The following UBXN10 variants were observed in gnomAD, a reference collection of about 807,000 sequenced individuals.
The protein encoded by UBXN10 is UBX domain-containing protein 10.
UBXN10 carries 6 observed loss-of-function variants against 6.9 expected under a neutral mutation model. The observed-to-expected ratio is 0.87, with a 90% CI of 0.48 to 1.72. UBXN10 has a LOEUF of 1.72. Among genes scored for constraint, UBXN10 ranks in the 40% most tolerant of loss-of-function variants. The pLI, the probability that UBXN10 is intolerant of heterozygous loss-of-function variation, is 0.01. For missense variants in UBXN10, 317 were observed against 348.4 expected (o/e 0.91, Z 0.72); for synonymous variants, 131 against 135.2 (o/e 0.97, Z 0.21).
Position 20,192,455 on chromosome 1 carries a change from C to T in UBXN10, c.*1051C>T, listed in dbSNP as rs2018524051. On this transcript the variant is annotated 3_prime_UTR_variant, in exon 2 of 2. Coordinates refer to ENST00000375099, the MANE Select transcript of UBXN10 (RefSeq NM_152376.5). ...TGTGCTGAGAGACCATGTGCCCGAGCATCTGGTTGACCGGCATGAAGTACA... is the reference window on the plus strand; with the variant it reads ...TGTGCTGAGAGACCATGTGCCCGAGTATCTGGTTGACCGGCATGAAGTACA... 1 of 167,096 alleles carries T rather than the reference C, an allele frequency of 6.0e-6. No individual in the cohort carries two copies. The highest frequency in any genetic ancestry group is 2.1e-4 in the South Asian group (1 of 4,834). The allele number at this position is 167,096 out of a possible 1,614,324, so 10.4% of individuals were successfully genotyped here.
rs779898230 is a variant in UBXN10 at position 20,194,012 on chromosome 1, G to C, written c.*2608G>C. 1 of 166,998 alleles carries C rather than the reference G, an allele frequency of 6.0e-6. No individual in the cohort carries two copies. Among genetic ancestry groups the C allele is most frequent in the Non-Finnish European group, 1.5e-5 (1 of 68,118 alleles). 10.3% of individuals were successfully genotyped at this position (166,998 alleles called of 1,614,324 possible). A position where few individuals can be genotyped will look rare whatever the true frequency, so the allele number is the denominator to read the frequency against. On this transcript the variant is annotated 3_prime_UTR_variant, in exon 2 of 2. Transcript: ENST00000375099. ...AGTGCCACACTTTGAGACAAGCATGGGTGTCCTGAAAAGAAAGTGTTGGCA... is the reference window on the plus strand; with the variant it reads ...AGTGCCACACTTTGAGACAAGCATGCGTGTCCTGAAAAGAAAGTGTTGGCA...
rs2018498424 is a variant in UBXN10 at position 20,191,363 on chromosome 1, G to C, written c.802G>C (p.Val268Leu). The C allele has an allele frequency of 6.2e-7, 1 of 1,612,762 alleles. No homozygotes were observed. Among genetic ancestry groups the C allele is most frequent in the South Asian group, 1.1e-5 (1 of 91,080 alleles). ...AGAGTGCAGAATCCCCCACAAGTCT[G>C]TGCTGGGCATCTCACTGGAAGATGG... is the stretch of plus-strand genomic sequence containing the variant. ...LQECRIPHKS[V>L]LGISLEDGEG... The change falls in exon 2 of 2, where the codon GTG (valine) becomes CTG (leucine). Residue 268 changes from valine to leucine, a missense_variant. By Grantham distance (32) the Val-to-Leu change is conservative. Coordinates refer to ENST00000375099, the MANE Select transcript of UBXN10 (RefSeq NM_152376.5). This position sits in a 1 kb window ranked among gnomAD's most constrained non-coding sequence, Gnocchi z 4.5.
chr1:20,188,390 T>C (rs2018434972), intron 1 of UBXN10, among the ~76,000 whole-genome samples: 1 of 152,102 alleles, frequency 6.6e-6, no homozygotes, highest in African/African-American at 2.4e-5. Context: ...TCCAAGATTT[T>C]GAATTGAGCA....
At chr1:20,183,905 C>G (rs1409250745), upstream of UBXN10, among the ~76,000 whole-genome samples, 3 of 152,156 alleles carry the variant, frequency 2.0e-5, no homozygotes, top group Admixed American at 6.5e-5. Context: ...GGGCAATGAC[C>G]TCTGCCCATG....
In UBXN10 at chr1:20,195,321, C is replaced by T. The variant is rs200343886; in HGVS notation, c.*3917C>T. On this transcript the variant is annotated 3_prime_UTR_variant, in exon 2 of 2. Transcript: ENST00000375099. ...TGGTGACAAATGCCCACGGGTAAAA[C>T]TGAGCAAGCCTCATTCAGACTGTCC... 3.1e-3 allele frequency: 519 copies of T among 167,280 alleles called. 3 individuals carry two copies. The highest frequency in any genetic ancestry group is 5.1e-3 in the Non-Finnish European group (351 of 68,178). 10.4% of individuals were successfully genotyped at this position (167,280 alleles called of 1,614,324 possible).
intron 1 of UBXN10, among the ~76,000 whole-genome samples, chr1:20,189,375 T>C (rs2018453267): frequency 6.6e-6 from 1 of 151,546 alleles, no homozygotes; most frequent in Non-Finnish European, 1.5e-5. Flanking sequence ...GAACTGGAGA[T>C]TGGGAGGAGG....
In UBXN10 at chr1:20,195,173, G is replaced by A. The variant is rs1418183759; in HGVS notation, c.*3769G>A. ...TCCCAGCCCTTTCTGACGTTCATCT[G>A]TGTGCCTTTATGTTCAAACAGTTTA... On this transcript the variant is annotated 3_prime_UTR_variant, in exon 2 of 2. Coordinates refer to ENST00000375099, the MANE Select transcript of UBXN10 (RefSeq NM_152376.5). 1 of 167,132 alleles carries A rather than the reference G, an allele frequency of 6.0e-6. No homozygotes were observed. The highest frequency in any genetic ancestry group is 2.4e-5 in the African/African-American group (1 of 41,462). The allele number at this position is 167,132 out of a possible 1,614,324, so 10.4% of individuals were successfully genotyped here. A position where few individuals can be genotyped will look rare whatever the true frequency, so the allele number is the denominator to read the frequency against.
rs1223331354 is a variant in UBXN10 at position 20,187,753 on chromosome 1, CT to C, written c.-16+1601del. On this transcript the variant is annotated intron_variant, in intron 1 of 1. Coordinates refer to ENST00000375099, the MANE Select transcript of UBXN10 (RefSeq NM_152376.5). The surrounding 1 kb of genome is among the most constrained non-coding windows in gnomAD (Gnocchi z 4.6). Reference sequence around the variant, plus strand: ...CAGGGTGTCTTGAATATGACACCCCCTGAACATGGATAATTATATGGAACCA... The same window carrying C: ...CAGGGTGTCTTGAATATGACACCCCCGAACATGGATAATTATATGGAACCA... Among the ~76,000 whole-genome samples, 2 of 152,166 alleles carry C rather than the reference CT, an allele frequency of 1.3e-5. No individual in the cohort carries two copies. The highest frequency in any genetic ancestry group is 2.9e-5 in the Non-Finnish European group (2 of 68,020).
chr1:20,191,432 G>C lies in UBXN10; in HGVS notation c.*28G>C. The C allele has an allele frequency of 6.3e-7, 1 of 1,591,636 alleles. No individual in the cohort carries two copies. On this transcript the variant is annotated 3_prime_UTR_variant, in exon 2 of 2. Transcript: ENST00000375099. This position sits in a 1 kb window ranked among gnomAD's most constrained non-coding sequence, Gnocchi z 4.5. ...CCACAGCCACCCAGCTGAGGTCCTG[G>C]GTCTCTGAGCAAAGGAGCATGCTTG...
At position 20,195,734 on chromosome 1, in the gene UBXN10, A is replaced by C. The variant is rs539512759; in HGVS notation, c.*4330A>C. 159 of 167,198 alleles carry C rather than the reference A, an allele frequency of 9.5e-4. No homozygotes were observed. The highest frequency in any genetic ancestry group is 3.8e-3 in the African/African-American group (157 of 41,554). The allele number at this position is 167,198 out of a possible 1,614,324, so 10.4% of individuals were successfully genotyped here. A position where few individuals can be genotyped will look rare whatever the true frequency, so the allele number is the denominator to read the frequency against. On this transcript the variant is annotated 3_prime_UTR_variant, in exon 2 of 2. Transcript: ENST00000375099. Reference sequence around the variant, plus strand: ...TTTTTGGACAAAGTGTACAGAGAAAATCAAAGCTATTCATTGTTTTAATTA... The same window carrying C: ...TTTTTGGACAAAGTGTACAGAGAAACTCAAAGCTATTCATTGTTTTAATTA...
rs949939506 is a variant in UBXN10 at position 20,195,779 on chromosome 1, CTG to C, written c.*4377_*4378del. The C allele has an allele frequency of 7.2e-5, 12 of 167,190 alleles. No individual in the cohort carries two copies. The highest frequency in any genetic ancestry group is 4.6e-4 in the Admixed American group (7 of 15,312). The allele number at this position is 167,190 out of a possible 1,614,324, so 10.4% of individuals were successfully genotyped here. A position where few individuals can be genotyped will look rare whatever the true frequency, so the allele number is the denominator to read the frequency against. On this transcript the variant is annotated 3_prime_UTR_variant, in exon 2 of 2. Coordinates refer to ENST00000375099, the MANE Select transcript of UBXN10 (RefSeq NM_152376.5). ...TAATTAAGAGATAAAACTAAGGTCA[CTG>C]TTTCACTTAATGTTGAGATATAAGT... is the stretch of plus-strand genomic sequence containing the variant.
Position 20,191,045 on chromosome 1 carries a change from G to A in UBXN10, c.484G>A (p.Asp162Asn). ...GGGCACCATGAAGACAAGTGAAGAAGATTCCAGAGCTCGAGCTTGTGCCGT... is the reference window on the plus strand; with the variant it reads ...GGGCACCATGAAGACAAGTGAAGAAAATTCCAGAGCTCGAGCTTGTGCCGT... ...ETGTMKTSEEDSRARACAVER... is the reference protein window; with the variant it reads ...ETGTMKTSEENSRARACAVER... The change falls in exon 2 of 2, where the codon GAT becomes AAT. Residue 162 changes from aspartate (D) to asparagine (N), a missense_variant. Transcript: ENST00000375099. This position sits in a 1 kb window ranked among gnomAD's most constrained non-coding sequence, Gnocchi z 4.5. 3 of 1,614,138 alleles carry A rather than the reference G, an allele frequency of 1.9e-6. No homozygotes were observed. Among genetic ancestry groups the A allele is most frequent in the Non-Finnish European group, 2.5e-6 (3 of 1,180,040 alleles).
chr1:20,191,000 G>T lies in UBXN10; in HGVS notation c.439G>T (p.Ala147Ser), dbSNP rs770195001. The T allele has an allele frequency of 3.7e-6, 6 of 1,614,144 alleles. No individual in the cohort carries two copies. The South Asian group carries it at 5.5e-5, about 15-fold the overall frequency. ...ASSLQLSSIR[A>S]LYQDETGTMK... ...CTCACTGCAACTGAGCAGTATCCGG[G>T]CTCTTTACCAAGACGAGACGGGCAC... Residue 147 changes from alanine to serine, a missense_variant, in exon 2 of 2, where the codon GCT becomes TCT. Transcript: ENST00000375099.
Position 20,192,969 on chromosome 1 carries a change from T to C in UBXN10, c.*1565T>C, listed in dbSNP as rs6685058. On this transcript the variant is annotated 3_prime_UTR_variant, in exon 2 of 2. Transcript: ENST00000375099. ...GAATAGGTTATTTCTGAATGTTTTA[T>C]AGAATTTCTTAATACCATCCTGGTT... 2,928 of 167,226 alleles carry C rather than the reference T, an allele frequency of 0.018. 98 individuals are homozygous for C. Among genetic ancestry groups the C allele is most frequent in the African/African-American group, 0.066 (2,741 of 41,550 alleles). 10.4% of individuals were successfully genotyped at this position (167,226 alleles called of 1,614,324 possible).
chr1:20,190,944 A>G lies in UBXN10; in HGVS notation c.383A>G (p.Glu128Gly). Residue 128 changes from glutamate to glycine, a missense_variant, in exon 2 of 2, where the codon GAG (glutamate) becomes GGG (glycine). Coordinates refer to ENST00000375099, the MANE Select transcript of UBXN10 (RefSeq NM_152376.5). ...PSINRKNLEE[E>G]AVETVAKKAS... ...ATCAACAGAAAGAACCTGGAGGAGG[A>G]GGCTGTGGAAACCGTTGCCAAAAAG... 1 of 1,614,164 alleles carries G rather than the reference A, an allele frequency of 6.2e-7. No individual in the cohort carries two copies. Among genetic ancestry groups the G allele is most frequent in the African/African-American group, 1.3e-5 (1 of 75,036 alleles).
chr1:20,190,799 C>T lies in UBXN10; in HGVS notation c.238C>T (p.Pro80Ser), dbSNP rs1330938988. ...IPYELPSSQK[P>S]GACAPKSPNQ... ...CTATGAGTTGCCAAGCAGCCAAAAA[C>T]CAGGAGCCTGTGCACCCAAATCTCC... The change falls in exon 2 of 2, where the codon CCA becomes TCA. Residue 80 changes from proline to serine, a missense_variant. Transcript: ENST00000375099. 7 of 1,613,988 alleles carry T rather than the reference C, an allele frequency of 4.3e-6. No individual in the cohort carries two copies. In the South Asian group the frequency reaches 7.7e-5, roughly 18 times the overall value.
chr1:20,191,570 C>A lies in UBXN10; in HGVS notation c.*166C>A, dbSNP rs904991637. 9.0e-7 allele frequency: 1 copy of A among 1,107,390 alleles called. No homozygotes were observed. Among genetic ancestry groups the A allele is most frequent in the Non-Finnish European group, 1.3e-6 (1 of 790,120 alleles). 68.6% of individuals were successfully genotyped at this position (1,107,390 alleles called of 1,614,324 possible). On this transcript the variant is annotated 3_prime_UTR_variant, in exon 2 of 2. Coordinates refer to ENST00000375099, the MANE Select transcript of UBXN10 (RefSeq NM_152376.5). This position sits in a 1 kb window ranked among gnomAD's most constrained non-coding sequence, Gnocchi z 4.5. ...GTCCTCTGAAGCAGTGAAGTCTGTG[C>A]CTATGCCGAGCGCGCTAAGAAGTCT...
chr1:20,185,671 G>A (rs2018360415), upstream of UBXN10, among the ~76,000 whole-genome samples: 1 of 152,200 alleles, frequency 6.6e-6, no homozygotes, highest in Non-Finnish European at 1.5e-5. Context: ...TACCCTAGAA[G>A]CATCCACTCA....
rs2100732665 is a variant in UBXN10 at position 20,187,935 on chromosome 1, G to A, written c.-16+1782G>A. Among the ~76,000 whole-genome samples the A allele has an allele frequency of 6.6e-6, 1 of 152,320 alleles. No homozygotes were observed. On this transcript the variant is annotated intron_variant, in intron 1 of 1. Coordinates refer to ENST00000375099, the MANE Select transcript of UBXN10 (RefSeq NM_152376.5). The surrounding 1 kb of genome is among the most constrained non-coding windows in gnomAD (Gnocchi z 4.6). ...TGACAGTTAAACCTTCCTGAGGCAT[G>A]TGTGGGTGTTGGAAGCCAAGCCTGT... is the stretch of plus-strand genomic sequence containing the variant.
Sources: allele counts gnomAD v4.1 joint callset (sites outside exome capture counted in the v4.1 genomes callset), GRCh38; gene constraint gnomAD v4.1.1; non-coding constraint Gnocchi (gnomAD v3.1); transcripts MANE v1.5; gene names NCBI Gene and HGNC (gene_info 2026-07-23, HGNC 2026-07-21).